PSMD12: variants seen among roughly 807,000 people sequenced by gnomAD.
PSMD12 encodes proteasome 26S subunit, non-ATPase 12, also known as 26S proteasome non-ATPase regulatory subunit 12.
In PSMD12, 8 loss-of-function variants were observed where a neutral mutation model predicts 62.9. The observed-to-expected ratio is 0.13, with a 90% CI of 0.07 to 0.23. The LOEUF is 0.23. Among genes scored for constraint, PSMD12 ranks in the 10% least tolerant of loss-of-function variants. The pLI, the probability that PSMD12 is intolerant of heterozygous loss-of-function variation, is 1.00. For synonymous variants in PSMD12, 173 were observed against 187.4 expected, an observed-to-expected ratio of 0.92 and a Z score of 0.63; for missense variants, 424 against 550.2, an observed-to-expected ratio of 0.77 and a Z score of 2.29.
intron 1 of PSMD12, among the ~76,000 whole-genome samples, chr17:67,360,282 T>G (rs1283630032): frequency 6.6e-6 from 1 of 152,234 alleles, no homozygotes; most frequent in Non-Finnish European, 1.5e-5. Flanking sequence ...GTATTCTAAT[T>G]CAGAAGCATG....
intron 1 of PSMD12, chr17:67,362,772 T>A (rs995724214): frequency 6.6e-6 from 1 of 152,034 alleles, no homozygotes; most frequent in African/African-American, 2.4e-5. Context: ...TACTACCATA[T>A]TACCTTGAGT....
At chr17:67,355,205 C>T (rs2042057111) in intron 3 of PSMD12, 1 of 151,322 alleles carries the variant, frequency 6.6e-6, no homozygotes, top group Non-Finnish European at 1.5e-5. Flanking sequence ...GATTCTCCTG[C>T]CACAGCCTCC....
chr17:67,357,875 TG>T (rs1161636331), intron 1 of PSMD12, among the ~76,000 whole-genome samples: 5 of 152,148 alleles, frequency 3.3e-5, no homozygotes, highest in African/African-American at 1.2e-4. Flanking sequence ...ATCAAGTCTT[TG>T]TTTTGGATTC....
chr17:67,356,897 G>A (rs2042080598), intron 3 of PSMD12, among the ~76,000 whole-genome samples: 1 of 151,890 alleles, frequency 6.6e-6, no homozygotes, highest in Non-Finnish European at 1.5e-5. Flanking sequence ...TACAGTCCCA[G>A]CTGCTTGGGG....
intron 5 of PSMD12, among the ~76,000 whole-genome samples, 177 bp downstream of exon 5, chr17:67,348,373 A>G (rs1014611544): frequency 3.3e-5 from 5 of 152,226 alleles, no homozygotes; most frequent in African/African-American, 1.2e-4. Context: ...CTTAATGGCT[A>G]ATGAGGAAAT....
At chr17:67,348,818 T>C (rs1315856428) in intron 4 of PSMD12, among the ~76,000 whole-genome samples, 164 bp from the exon 5 acceptor site, 1 of 151,994 alleles carries the variant, frequency 6.6e-6, no homozygotes, top group African/African-American at 2.4e-5. Flanking sequence ...GGAAACATGT[T>C]GAGCCCGTCT....
At chr17:67,348,426 A>C (rs2041988026) in intron 5 of PSMD12, 124 bp downstream of exon 5, 1 of 778,130 alleles carries the variant, frequency 1.3e-6, no homozygotes, top group African/African-American at 1.8e-5. Flanking sequence ...ACAGGCTTTC[A>C]ATCAAAATCC....
At chr17:67,355,701 G>A (rs1345873533) in intron 3 of PSMD12, among the ~76,000 whole-genome samples, 1 of 151,854 alleles carries the variant, frequency 6.6e-6, no homozygotes, top group Non-Finnish European at 1.5e-5. Flanking sequence ...CTTGTACAGG[G>A]GAACATTTAA....
Position 67,351,570 on chromosome 17 carries a change from T to C in PSMD12, c.298-1234A>G, listed in dbSNP as rs543811789. 6.6e-5 allele frequency among the ~76,000 whole-genome samples: 10 copies of C among 152,088 alleles called. No homozygotes were observed. The East Asian group carries it at 1.4e-3, about 21-fold the overall frequency. On this transcript the variant is annotated intron_variant, in intron 3 of 10. Coordinates refer to ENST00000356126, the MANE Select transcript of PSMD12 (RefSeq NM_002816.5). ...TTAAGCAGCTCAGGCTAAATGTTTTTGTTGTGGAGGTGGTTTTATTTTATT... is the reference window on the plus strand; with the variant it reads ...TTAAGCAGCTCAGGCTAAATGTTTTCGTTGTGGAGGTGGTTTTATTTTATT...
At chr17:67,352,279 T>G (rs1338341937) in intron 3 of PSMD12, among the ~76,000 whole-genome samples, 2 of 152,102 alleles carry the variant, frequency 1.3e-5, no homozygotes, top group African/African-American at 2.4e-5. Context: ...AGTTTTTTTG[T>G]AAAGACAGGG....
intron 7 of PSMD12, 140 bp from the exon 8 acceptor site, chr17:67,345,997 C>T (rs1306105704): frequency 1.4e-6 from 1 of 735,722 alleles, no homozygotes; most frequent in African/African-American, 1.8e-5. Flanking sequence ...CGTCTGTAAT[C>T]CCAGCACTTT....
chr17:67,355,782 A>G (rs541820223), intron 3 of PSMD12, among the ~76,000 whole-genome samples: 1 of 152,302 alleles, frequency 6.6e-6, no homozygotes, highest in South Asian at 2.1e-4. Flanking sequence ...AAGAGAACTT[A>G]CATAATCTCT....
chr17:67,362,722 A>G (rs1483112497), intron 1 of PSMD12: 1 of 151,936 alleles, frequency 6.6e-6, no homozygotes, highest in Non-Finnish European at 1.5e-5. Context: ...AACCCACTAC[A>G]GGCTCTGCAG....
chr17:67,341,121 A>AT, intron 10 of PSMD12, 69 bp from the exon 11 acceptor site: 7 of 1,246,420 alleles, frequency 5.6e-6, no homozygotes, highest in African/African-American at 1.6e-5. Context: ...ACTTCAGAAA[A>AT]GCATTTTCTG....
At chr17:67,351,220 TCTC>T (rs2042013879) in intron 3 of PSMD12, among the ~76,000 whole-genome samples, 2 of 151,654 alleles carry the variant, frequency 1.3e-5, no homozygotes, top group Non-Finnish European at 2.9e-5. Flanking sequence ...TGAAACCCCG[TCTC>T]TACTAAAAAT....
intron 3 of PSMD12, among the ~76,000 whole-genome samples, chr17:67,354,360 T>C (rs1000003213): frequency 1.3e-5 from 2 of 151,214 alleles, no homozygotes; most frequent in East Asian, 1.9e-4. Flanking sequence ...CAGTGAGCTA[T>C]GATTGCACCA....
In PSMD12 at chr17:67,344,729, A is replaced by G. The variant is rs1159834982; in HGVS notation, c.960T>C (p.Leu320=). ...TTAATTCCATTCCATAGTCCTCAACAAGTGTGGACCAACGCATCAACTCCA... is the reference window on the plus strand; with the variant it reads ...TTAATTCCATTCCATAGTCCTCAACGAGTGTGGACCAACGCATCAACTCCA... ...TTMELMRWST[L]VEDYGMELRK... The change falls in exon 9 of 11, where the codon CTT becomes CTC. Residue 320 remains leucine (L), a synonymous_variant. Transcript: ENST00000356126. 6.2e-7 allele frequency: 1 copy of G among 1,612,416 alleles called. No individual in the cohort carries two copies.
rs781472429 is a variant in PSMD12 at position 67,357,523 on chromosome 17, C to T, written c.164G>A (p.Arg55His). The T allele has an allele frequency of 5.0e-6, 8 of 1,613,402 alleles. No individual in the cohort carries two copies. Among genetic ancestry groups the T allele is most frequent in the Admixed American group, 1.7e-5 (1 of 59,994 alleles). Reference sequence around the variant, plus strand: ...TTTCCCCTGTAAACTACTCACAGTACGAGTCTGCTTTTCCAGAGAGAGAAG... The same window carrying T: ...TTTCCCCTGTAAACTACTCACAGTATGAGTCTGCTTTTCCAGAGAGAGAAG... ...ETLLSLEKQT[R>H]TASDMVSTSR... Residue 55 changes from arginine (R) to histidine (H), a missense_variant, in exon 2 of 11, where the codon CGT becomes CAT. By Grantham distance (29) the Arg-to-His change is conservative (BLOSUM62 0). Transcript: ENST00000356126.
At position 67,356,937 on chromosome 17, in the gene PSMD12, G is replaced by A. The variant is rs2042080855; in HGVS notation, c.297+366C>T. On this transcript the variant is annotated intron_variant, in intron 3 of 10. Transcript: ENST00000356126. Reference sequence around the variant, plus strand: ...AGGTGGGAAGACTGCTTGAGCCCAGGAGGTTGAGGCTGCAGTCAGTTGTAA... The same window carrying A: ...AGGTGGGAAGACTGCTTGAGCCCAGAAGGTTGAGGCTGCAGTCAGTTGTAA... Among the ~76,000 whole-genome samples, 4 of 152,156 alleles carry A rather than the reference G, an allele frequency of 2.6e-5. No homozygotes were observed. The South Asian group carries it at 8.3e-4, about 32-fold the overall frequency.
Sources: gnomAD v4.1 joint callset for allele counts (sites outside exome capture counted in the v4.1 genomes callset) on GRCh38, gnomAD v4.1.1 for gene constraint, MANE v1.5 for transcripts, NCBI Gene and HGNC (gene_info 2026-07-23, HGNC 2026-07-21) for gene names.